IPMK: variants seen among roughly 807,000 people sequenced by gnomAD.
IPMK encodes inositol polyphosphate multikinase.
A neutral mutation model predicts 45.8 loss-of-function variants in IPMK; 17 were observed. The observed-to-expected ratio is 0.37, with a 90% CI of 0.25 to 0.56. The LOEUF (loss-of-function observed/expected upper bound fraction) is 0.56. Ranked by LOEUF, IPMK falls within the 20% of genes least tolerant of loss-of-function variation. The pLI is 0.79. For synonymous variants in IPMK, 180 were observed against 184.3 expected (o/e 0.98, Z 0.19); for missense variants, 399 against 498.0 (o/e 0.80, Z 1.89).
chr10:58,260,242 C>A (rs561467537), intron 1 of IPMK, among the ~76,000 whole-genome samples: 1 of 152,288 alleles, frequency 6.6e-6, no homozygotes, highest in African/African-American at 2.4e-5. Flanking sequence ...CTATACTCTT[C>A]AAAAATTCCA....
At chr10:58,223,188 TATGA>T (rs1470405382) in intron 3 of IPMK, among the ~76,000 whole-genome samples, 6 of 152,214 alleles carry the variant, frequency 3.9e-5, no homozygotes, top group South Asian at 2.1e-4. Context: ...ACAAGGTTAC[TATGA>T]ATGAAACTTT....
chr10:58,254,730 G>A (rs960332842), intron 1 of IPMK, among the ~76,000 whole-genome samples: 1 of 152,188 alleles, frequency 6.6e-6, no homozygotes, highest in African/African-American at 2.4e-5. Flanking sequence ...CTTAAACATG[G>A]CCTGTTGTTT....
intron 3 of IPMK, among the ~76,000 whole-genome samples, chr10:58,219,848 A>G (rs1838304881): frequency 6.6e-6 from 1 of 152,232 alleles, no homozygotes; most frequent in Non-Finnish European, 1.5e-5. Context: ...ATCATAGACA[A>G]AGAAGTTTAT....
intron 2 of IPMK, among the ~76,000 whole-genome samples, chr10:58,237,241 G>T (rs1203161200): frequency 2.6e-5 from 4 of 152,130 alleles, no homozygotes; most frequent in African/African-American, 9.7e-5. Flanking sequence ...GAAGAGTTGA[G>T]ATCAGTTATT....
rs1366272404 is a variant in IPMK, at chr10:58,199,337, G to A, written c.547-16C>T. 1.3e-6 allele frequency: 2 copies of A among 1,571,608 alleles called. No individual in the cohort carries two copies. Among genetic ancestry groups the A allele is most frequent in the African/African-American group, 2.7e-5 (2 of 73,922 alleles). ...CATGATAAACCTGTCAAAAAAAGCA[G>A]TGAATATTAAAAAGCTAATACTCCT... On this transcript the variant is annotated splice_polypyrimidine_tract_variant and intron_variant, in intron 4 of 5. Coordinates refer to ENST00000373935, the MANE Select transcript of IPMK (RefSeq NM_152230.5).
At chr10:58,217,877 G>GAGAAA (rs1409273032) in intron 3 of IPMK, among the ~76,000 whole-genome samples, 1 of 152,008 alleles carries the variant, frequency 6.6e-6, no homozygotes, top group Non-Finnish European at 1.5e-5. Context: ...ACCGGGGTAA[G>GAGAAA]AGAAGCCTTA....
chr10:58,232,419 C>T (rs1355872339), intron 2 of IPMK, among the ~76,000 whole-genome samples: 1 of 152,156 alleles, frequency 6.6e-6, no homozygotes, highest in Non-Finnish European at 1.5e-5. Flanking sequence ...AAATTGACCA[C>T]ATAATTGGAA....
intron 1 of IPMK, 63 bp from the exon 2 acceptor site, chr10:58,237,877 T>C (rs1462647307): frequency 3.3e-6 from 4 of 1,205,632 alleles, no homozygotes; most frequent in East Asian, 4.7e-5. Context: ...CTTCATTAAA[T>C]AGATTAGTTC....
chr10:58,227,018 A>G, intron 3 of IPMK, 25 bp downstream of exon 3: 2 of 1,506,804 alleles, frequency 1.3e-6, no homozygotes, highest in Non-Finnish European at 1.8e-6. Flanking sequence ...TTAAAACTGA[A>G]AGATAATTTT....
chr10:58,223,361 A>AGAAAAATCTC (rs1443442335), intron 3 of IPMK, among the ~76,000 whole-genome samples: 21 of 152,302 alleles, frequency 1.4e-4, no homozygotes, highest in Non-Finnish European at 2.6e-4. Flanking sequence ...AGAGCCCTAC[A>AGAAAAATCTC]GAAAAATCTC....
At chr10:58,239,247 A>C (rs1838662024) in intron 1 of IPMK, among the ~76,000 whole-genome samples, 1 of 152,224 alleles carries the variant, frequency 6.6e-6, no homozygotes, top group Admixed American at 6.5e-5. Context: ...AAACAGTCAA[A>C]AGACTTCAAA....
At chr10:58,200,015 A>C (rs1424515809) in intron 4 of IPMK, among the ~76,000 whole-genome samples, 3 of 152,250 alleles carry the variant, frequency 2.0e-5, no homozygotes, top group Non-Finnish European at 4.4e-5. Context: ...AAACATTCCT[A>C]AAACACACAC....
chr10:58,258,557 T>C (rs1225734583), intron 1 of IPMK, among the ~76,000 whole-genome samples: 1 of 152,096 alleles, frequency 6.6e-6, no homozygotes, highest in Non-Finnish European at 1.5e-5. Flanking sequence ...ACAATGGAAG[T>C]AACAGTAAGA....
intron 1 of IPMK, among the ~76,000 whole-genome samples, chr10:58,258,484 A>G (rs1839007680): frequency 6.6e-6 from 1 of 152,168 alleles, no homozygotes; most frequent in Non-Finnish European, 1.5e-5. Flanking sequence ...ACCATAAAAC[A>G]AGTCTAAAAT....
At chr10:58,256,880 T>C (rs563786565) in intron 1 of IPMK, among the ~76,000 whole-genome samples, 6 of 152,080 alleles carry the variant, frequency 3.9e-5, no homozygotes, top group South Asian at 4.1e-4. Context: ...CTCGGCAACA[T>C]AGTGAGATCC....
chr10:58,219,588 T>C (rs1389457967), intron 3 of IPMK, among the ~76,000 whole-genome samples: 1 of 152,230 alleles, frequency 6.6e-6, no homozygotes, highest in Non-Finnish European at 1.5e-5. Context: ...TGCCAAATTC[T>C]GGATTAACAA....
At chr10:58,263,488 T>G (rs892538784) in intron 1 of IPMK, among the ~76,000 whole-genome samples, 6 of 150,608 alleles carry the variant, frequency 4.0e-5, no homozygotes, top group African/African-American at 1.5e-4. Flanking sequence ...CGCGCCACTG[T>G]TCTCCAGCCT....
intron 1 of IPMK, among the ~76,000 whole-genome samples, chr10:58,261,870 A>C (rs530921108): frequency 2.2e-4 from 33 of 152,286 alleles, no homozygotes; most frequent in African/African-American, 7.9e-4. Flanking sequence ...AGCCCCAAGT[A>C]ATTTTTGAAC....
At chr10:58,198,602 C>T (rs1219433551) in intron 5 of IPMK, among the ~76,000 whole-genome samples, 2 of 152,166 alleles carry the variant, frequency 1.3e-5, no homozygotes, top group Non-Finnish European at 2.9e-5. Context: ...AAACTTTTTA[C>T]ACTATGCATA....
Sources: gnomAD v4.1 joint callset for allele counts (sites outside exome capture counted in the v4.1 genomes callset) on GRCh38, gnomAD v4.1.1 for gene constraint, MANE v1.5 for transcripts, NCBI Gene and HGNC (gene_info 2026-07-23, HGNC 2026-07-21) for gene names.